Variants in ERC1 observed in about 807,000 individuals in gnomAD.
ERC1 encodes ELKS/RAB6-interacting/CAST family member 1.
A neutral mutation model predicts 132.0 loss-of-function variants in ERC1; 56 were observed. The observed-to-expected ratio is 0.42, with a 90% CI of 0.34 to 0.53. The LOEUF (loss-of-function observed/expected upper bound fraction) is 0.53. ERC1 is among the 20% of genes least tolerant of loss of function. ERC1 has a pLI of 0.03. For synonymous variants in ERC1, 478 were observed against 476.1 expected, an observed-to-expected ratio of 1.00 and a Z score of -0.05; for missense variants, 1,202 against 1,349.9, an observed-to-expected ratio of 0.89 and a Z score of 1.72.
intron 16 of ERC1, among the ~76,000 whole-genome samples, chr12:1,376,848 A>C (rs1320776571): frequency 6.6e-6 from 1 of 152,232 alleles, no homozygotes; most frequent in Non-Finnish European, 1.5e-5. Flanking sequence ...GTAAAGAACC[A>C]GAAACAAAAA....
Position 1,144,614 on chromosome 12 carries a change from G to GTATATATATATATATATATA in ERC1, c.1737+2828_1737+2847dup, listed in dbSNP as rs142846830. Among the ~76,000 whole-genome samples the GTATATATATATATATATATA allele has an allele frequency of 2.9e-4, 39 of 132,248 alleles. 2 individuals are homozygous for GTATATATATATATATATATA. The highest frequency in any genetic ancestry group is 1.0e-3 in the African/African-American group (32 of 31,960). The allele number at this position is 132,248 out of a possible 152,430, so 86.8% of individuals were successfully genotyped here. On this transcript the variant is annotated intron_variant, in intron 8 of 18. Coordinates refer to ENST00000360905, the MANE Select transcript of ERC1 (RefSeq NM_178040.4). ...TTTTATGGCTGAGTAGAATTTTGTG[G>GTATATATATATATATATATA]TATATATATATATATATATACGTGT...
chr12:1,313,206 G>A (rs1390006222), intron 15 of ERC1, among the ~76,000 whole-genome samples: 1 of 151,942 alleles, frequency 6.6e-6, no homozygotes, highest in African/African-American at 2.4e-5. Context: ...TATGAAGAAA[G>A]ACAAGGGGGA....
At chr12:1,334,193 A>G (rs994372540) in intron 15 of ERC1, among the ~76,000 whole-genome samples, 1 of 151,966 alleles carries the variant, frequency 6.6e-6, no homozygotes, top group Non-Finnish European at 1.5e-5. Flanking sequence ...TAGGTTGTAT[A>G]CTGTTGAAAG....
intron 15 of ERC1, among the ~76,000 whole-genome samples, chr12:1,328,371 T>C (rs2082610764): frequency 6.6e-6 from 1 of 151,692 alleles, no homozygotes; most frequent in African/African-American, 2.4e-5. Flanking sequence ...CTCAAACCCC[T>C]GAGCTCAAGT....
At chr12:1,290,946 TCTC>T (rs752009209) in intron 15 of ERC1, among the ~76,000 whole-genome samples, 4 of 152,226 alleles carry the variant, frequency 2.6e-5, no homozygotes, top group Non-Finnish European at 5.9e-5. Context: ...GCTCACTTCT[TCTC>T]TGCATAAATG....
chr12:1,135,085 G>A (rs961509456), intron 7 of ERC1, among the ~76,000 whole-genome samples: 1 of 152,126 alleles, frequency 6.6e-6, no homozygotes, highest in Non-Finnish European at 1.5e-5. Context: ...GTCTGAGAAT[G>A]GTAATGGAAG....
chr12:1,112,734 T>C (rs1001999002), intron 6 of ERC1, among the ~76,000 whole-genome samples: 2 of 152,240 alleles, frequency 1.3e-5, no homozygotes, highest in African/African-American at 4.8e-5. Flanking sequence ...AGACATTATC[T>C]TTAAGTCTCC....
At chr12:1,360,219 A>C (rs1387293957) in intron 15 of ERC1, among the ~76,000 whole-genome samples, 1 of 152,232 alleles carries the variant, frequency 6.6e-6, no homozygotes, top group Non-Finnish European at 1.5e-5. Flanking sequence ...GTATAATTCA[A>C]AAGTAAAGAA....
chr12:1,429,439 CT>C (rs2092729832), intron 17 of ERC1, among the ~76,000 whole-genome samples: 1 of 152,174 alleles, frequency 6.6e-6, no homozygotes, highest in Non-Finnish European at 1.5e-5. Context: ...CTCCACACTC[CT>C]TTATCATTTA....
At chr12:1,395,934 T>TAAAA (rs34938767) in intron 16 of ERC1, among the ~76,000 whole-genome samples, 43,429 of 148,244 alleles carry the variant, frequency 0.29, 6,437 homozygotes, top group Middle Eastern at 0.34. Flanking sequence ...CATGGAGTCT[T>TAAAA]AAAAAAAAAA....
At chr12:1,095,055 C>G (rs1394303885) in intron 3 of ERC1, among the ~76,000 whole-genome samples, 4 of 152,084 alleles carry the variant, frequency 2.6e-5, no homozygotes, top group Non-Finnish European at 5.9e-5. Context: ...ACTTTTTAGT[C>G]ACACATACTT....
chr12:1,288,556 T>C (rs181503183), intron 14 of ERC1, among the ~76,000 whole-genome samples: 1 of 152,372 alleles, frequency 6.6e-6, no homozygotes, highest in Admixed American at 6.5e-5. Context: ...GTTTAACAGC[T>C]GTTACCAATC....
intron 3 of ERC1, among the ~76,000 whole-genome samples, chr12:1,083,915 C>A (rs1331335415): frequency 6.6e-6 from 1 of 152,136 alleles, no homozygotes; most frequent in Non-Finnish European, 1.5e-5. Flanking sequence ...CACAACAAAA[C>A]CAGAATCAGA....
At chr12:1,186,004 A>C in intron 11 of ERC1, among the ~76,000 whole-genome samples, 1 of 152,204 alleles carries the variant, frequency 6.6e-6, no homozygotes, top group East Asian at 1.9e-4. Flanking sequence ...CATGCTTAGT[A>C]ACTGAATTTT....
Position 1,444,665 on chromosome 12 carries a change from G to T in ERC1, c.3128G>T (p.Arg1043Leu), listed in dbSNP as rs143825736. ...CATGACCGAGACCCCCTGATCCTCCGTGGACTCACTCCACCAGCTTCCTAT... is the reference window on the plus strand; with the variant it reads ...CATGACCGAGACCCCCTGATCCTCCTTGGACTCACTCCACCAGCTTCCTAT... ...LCHDRDPLIL[R>L]GLTPPASYNL... Residue 1043 changes from arginine to leucine, a missense_variant, in exon 18 of 19, where the codon CGT (arginine) becomes CTT (leucine). Physicochemically the swap from Arg to Leu is moderately radical, Grantham distance 102 (BLOSUM62 -2). Coordinates refer to ENST00000360905, the MANE Select transcript of ERC1 (RefSeq NM_178040.4). 3 of 1,614,094 alleles carry T rather than the reference G, an allele frequency of 1.9e-6. No individual in the cohort carries two copies. The highest frequency in any genetic ancestry group is 2.2e-5 in the East Asian group (1 of 44,892).
chr12:1,352,402 A>G, intron 15 of ERC1, among the ~76,000 whole-genome samples: 1 of 152,354 alleles, frequency 6.6e-6, no homozygotes, highest in East Asian at 1.9e-4. Context: ...GGGGAATATG[A>G]GAAATTTCCA....
In ERC1 at chr12:1,165,613, A is replaced by G. The variant is rs562340072; in HGVS notation, c.1738-14927A>G. ...CTCCCAAAGTGCTGGGATTACAGGTATGAGCCACCGCGCCTGGCGAGAATT... is the reference window on the plus strand; with the variant it reads ...CTCCCAAAGTGCTGGGATTACAGGTGTGAGCCACCGCGCCTGGCGAGAATT... On this transcript the variant is annotated intron_variant, in intron 8 of 18. Coordinates refer to ENST00000360905, the MANE Select transcript of ERC1 (RefSeq NM_178040.4). Among the ~76,000 whole-genome samples, 32 of 152,266 alleles carry G rather than the reference A, an allele frequency of 2.1e-4. No individual in the cohort carries two copies. In the South Asian group the frequency reaches 3.5e-3, roughly 17 times the overall value.
At position 1,444,659 on chromosome 12, in the gene ERC1, T is replaced by C. The variant is rs754547397; in HGVS notation, c.3122T>C (p.Ile1041Thr). ...CTCTGCCATGACCGAGACCCCCTGA[T>C]CCTCCGTGGACTCACTCCACCAGCT... ...TTLCHDRDPL[I>T]LRGLTPPASY... Residue 1041 changes from isoleucine (I) to threonine (T), a missense_variant, in exon 18 of 19, where the codon ATC (isoleucine) becomes ACC (threonine). Physicochemically the swap from Ile to Thr is moderately conservative, Grantham distance 89. Transcript: ENST00000360905. 37 of 1,613,968 alleles carry C rather than the reference T, an allele frequency of 2.3e-5. No individual in the cohort carries two copies. Among genetic ancestry groups the C allele is most frequent in the Non-Finnish European group, 2.8e-5 (33 of 1,179,966 alleles).
In ERC1 at chr12:1,483,856, G is replaced by A. The variant is rs192727555; in HGVS notation, c.3214-6237G>A. ...CAGGCACTCACCACCACATGTGACC[G>A]ATTTTTTTTGTATGTTTAGTAGAGA... On this transcript the variant is annotated intron_variant, in intron 18 of 18. Coordinates refer to ENST00000360905, the MANE Select transcript of ERC1 (RefSeq NM_178040.4). 2.0e-3 allele frequency among the ~76,000 whole-genome samples: 297 copies of A among 151,704 alleles called. 3 individuals carry two copies. The highest frequency in any genetic ancestry group is 7.1e-3 in the South Asian group (34 of 4,788).
Sources: gnomAD v4.1 joint callset for allele counts (sites outside exome capture counted in the v4.1 genomes callset) on GRCh38, gnomAD v4.1.1 for gene constraint, MANE v1.5 for transcripts, NCBI Gene and HGNC (gene_info 2026-07-23, HGNC 2026-07-21) for gene names.